The following TLE5 variants were observed in gnomAD, a reference collection of about 807,000 sequenced individuals.
TLE5 encodes TLE family member 5.
Under a neutral mutation model 25.8 loss-of-function variants are expected in TLE5, and 7 were observed. The ratio of observed to expected loss-of-function variants is 0.27; its 90% CI spans 0.15 to 0.51. The LOEUF is 0.51. Among genes scored for constraint, TLE5 ranks in the 20% least tolerant of loss-of-function variants. The pLI is 0.97. For synonymous variants in TLE5, 132 were observed against 110.5 expected (o/e 1.20, Z -1.22); for missense variants, 149 against 250.7 (o/e 0.59, Z 2.74).
intron 1 of TLE5, 116 bp from the exon 2 acceptor site, chr19:3,061,373 G>A: frequency 1.4e-6 from 1 of 739,050 alleles, no homozygotes; most frequent in South Asian, 1.7e-5. Flanking sequence ...CCCACTTCCT[G>A]GGCCCGTGTT....
chr19:3,054,086 T>TGGGGGGGGGGG, intron 6 of TLE5, 34 bp downstream of exon 6: 39 of 1,511,914 alleles, frequency 2.6e-5, no homozygotes, highest in African/African-American at 4.2e-5. Flanking sequence ...GGCCCACCTG[T>TGGGGGGGGGGG]CCCCCGCCCA....
chr19:3,056,215 G>A (rs3888377), intron 4 of TLE5, 97 bp downstream of exon 4: 282,359 of 851,686 alleles, frequency 0.33, 52,688 homozygotes, highest in Non-Finnish European at 0.38. Context: ...GCCGAGGGCC[G>A]GCCGCTACCT....
At position 3,054,146 on chromosome 19, in the gene TLE5, C is replaced by T. The variant is rs749010645; in HGVS notation, c.346G>A (p.Ala116Thr). ...CGGATGATAGAGTTCAGCTCGGGAG[C>T]GGTGACCTGCTTGGCCCTCTCAATG... ...GAIERAKQVT[A>T]PELNSIIRQQ... is the part of the protein sequence containing the mutation. Residue 116 changes from alanine to threonine, a missense_variant, in exon 6 of 7, where the codon GCT (alanine) becomes ACT (threonine). Ala to Thr is a moderately conservative substitution (Grantham distance 58). Coordinates refer to ENST00000327141, the MANE Select transcript of TLE5 (RefSeq NM_001130.6). The T allele has an allele frequency of 6.4e-6, 10 of 1,555,010 alleles. No individual in the cohort carries two copies. The highest frequency in any genetic ancestry group is 4.6e-5 in the African/African-American group (3 of 64,778).
chr19:3,056,036 G>A (rs895943579), intron 4 of TLE5: 9 of 526,840 alleles, frequency 1.7e-5, no homozygotes, highest in Non-Finnish European at 3.0e-5. Flanking sequence ...TTGTGCGAAT[G>A]TAGGGAGGGC....
chr19:3,057,276 T>G (rs1312653915), intron 3 of TLE5, among the ~76,000 whole-genome samples: 3 of 152,214 alleles, frequency 2.0e-5, no homozygotes, highest in African/African-American at 7.2e-5. Context: ...CCCACAGGCT[T>G]CTTCTTTGAG....
chr19:3,054,510 T>C (rs1283343563), intron 5 of TLE5: 1 of 488,536 alleles, frequency 2.0e-6, no homozygotes, highest in Non-Finnish European at 3.7e-6. Context: ...ACCTATCCTA[T>C]GTGCACAGCC....
chr19:3,062,717 C>G, upstream of TLE5: 1 of 1,524,614 alleles, frequency 6.6e-7, no homozygotes, highest in Non-Finnish European at 8.8e-7. Context: ...CCGGCCGGGC[C>G]TCGGTTTCCC....
chr19:3,061,312 A>C, intron 1 of TLE5, 55 bp from the exon 2 acceptor site: 5 of 1,419,038 alleles, frequency 3.5e-6, no homozygotes, highest in Non-Finnish European at 5.0e-6. Context: ...ACCCCCCTCA[A>C]GGGCCGGCTA....
Position 3,056,329 on chromosome 19 carries a change from T to G in TLE5, c.217A>C (p.Ile73Leu). The G allele has an allele frequency of 7.1e-7, 1 of 1,406,768 alleles. No homozygotes were observed. The highest frequency in any genetic ancestry group is 9.4e-7 in the Non-Finnish European group (1 of 1,063,228). 87.1% of individuals were successfully genotyped at this position (1,406,768 alleles called of 1,614,324 possible). The change falls in exon 4 of 7, where the codon ATC (isoleucine) becomes CTC (leucine). Residue 73 changes from isoleucine (I) to leucine (L), a missense_variant. Transcript: ENST00000327141. Reference sequence around the variant, plus strand: ...GGGCGTACCTGTTTGTGCATCTCGATGTTCAAGCCGTAGGACATCTCGTAG... The same window carrying G: ...GGGCGTACCTGTTTGTGCATCTCGAGGTTCAAGCCGTAGGACATCTCGTAG... ...MYYEMSYGLNIEMHKQAEIVK... is the reference protein window; with the variant it reads ...MYYEMSYGLNLEMHKQAEIVK...
chr19:3,054,096 AC>A, intron 6 of TLE5, 23 bp downstream of exon 6: 1 of 508,248 alleles, frequency 2.0e-6, no homozygotes, highest in Non-Finnish European at 3.1e-6. Flanking sequence ...TCCCCCGCCC[AC>A]CCGCCCAGGT....
upstream of TLE5, chr19:3,062,812 T>A (rs1276188189): frequency 6.4e-7 from 1 of 1,550,422 alleles, no homozygotes; most frequent in Non-Finnish European, 8.7e-7. Context: ...GCCACGGACG[T>A]GCTCTGTGAC....
chr19:3,053,527 T>C lies in TLE5; in HGVS notation c.*292A>G. ...CTGCGCTTCGCGAGGTCTTGCTCCC[T>C]TGGGACCTGGTCTCCCATCTGACCC... On this transcript the variant is annotated 3_prime_UTR_variant, in exon 7 of 7. Transcript: ENST00000327141. The C allele has an allele frequency of 2.0e-6, 1 of 506,810 alleles. No individual in the cohort carries two copies. Among genetic ancestry groups the C allele is most frequent in the East Asian group, 3.4e-5 (1 of 29,500 alleles). 31.4% of individuals were successfully genotyped at this position (506,810 alleles called of 1,614,324 possible). A position where few individuals can be genotyped will look rare whatever the true frequency, so the allele number is the denominator to read the frequency against.
chr19:3,057,880 CA>C lies in TLE5; in HGVS notation c.126-139del, dbSNP rs1291698598. On this transcript the variant is annotated intron_variant, in intron 2 of 6. Coordinates refer to ENST00000327141, the MANE Select transcript of TLE5 (RefSeq NM_001130.6). ...ATCAGCCAATTCTCAGAGGGTCAAG[CA>C]ATAATTTTTTTTTTAAATTGAGACG... 29 of 764,106 alleles carry C rather than the reference CA, an allele frequency of 3.8e-5. No individual in the cohort carries two copies. In the East Asian group the frequency reaches 6.0e-4, roughly 16 times the overall value. 47.3% of individuals were successfully genotyped at this position (764,106 alleles called of 1,614,324 possible).
At chr19:3,055,614 G>T in intron 5 of TLE5, 50 bp downstream of exon 5, 1 of 1,521,354 alleles carries the variant, frequency 6.6e-7, no homozygotes, top group Non-Finnish European at 8.9e-7. Flanking sequence ...ACAGGGGCTG[G>T]GCAAGTGCGG....
intron 3 of TLE5, 173 bp from the exon 4 acceptor site, chr19:3,056,529 C>T (rs577233984): frequency 6.5e-6 from 4 of 611,472 alleles, no homozygotes; most frequent in South Asian, 5.4e-5. Flanking sequence ...GAGGGAGAGA[C>T]GCCCACACCC....
upstream of TLE5, chr19:3,062,883 AGC>A: frequency 7.3e-7 from 1 of 1,368,058 alleles, no homozygotes; most frequent in Non-Finnish European, 1.0e-6. Flanking sequence ...GCAGAAAGGC[AGC>A]GGTAATGCCG....
At chr19:3,055,626 G>GC in intron 5 of TLE5, 38 bp downstream of exon 5, 2 of 1,555,874 alleles carry the variant, frequency 1.3e-6, no homozygotes, top group Non-Finnish European at 8.7e-7. Flanking sequence ...CAAGTGCGGG[G>GC]CCCCCTCACA....
chr19:3,062,930 A>C, upstream of TLE5: 1 of 917,752 alleles, frequency 1.1e-6, no homozygotes, highest in Non-Finnish European at 1.7e-6. Flanking sequence ...TGACACATTT[A>C]TAGAACGCCT....
chr19:3,061,886 TGG>T (rs376264879), intron 1 of TLE5, among the ~76,000 whole-genome samples: 5,196 of 60,328 alleles, frequency 0.086, 688 homozygotes, highest in African/African-American at 0.3. Context: ...CCCGGCGGGT[TGG>T]GGGGGGGGGG....
Sources: gnomAD v4.1 joint callset for allele counts (sites outside exome capture counted in the v4.1 genomes callset) on GRCh38, gnomAD v4.1.1 for gene constraint, MANE v1.5 for transcripts, NCBI Gene and HGNC (gene_info 2026-07-23, HGNC 2026-07-21) for gene names.